Variants in CDH12 observed in about 807,000 individuals in gnomAD.
CDH12 encodes the protein cadherin-12.
Under a neutral mutation model 74.1 loss-of-function variants are expected in CDH12, and 41 were observed. The ratio of observed to expected loss-of-function variants is 0.55; its 90% CI spans 0.43 to 0.72. The LOEUF is 0.72. Among genes scored for constraint, CDH12 ranks in the 30% least tolerant of loss-of-function variants. The probability of loss-of-function intolerance (pLI) is 0.00; values close to 1 mark genes in which losing one functional copy is unlikely to be tolerated. For missense variants in CDH12, 945 were observed against 977.2 expected, an observed-to-expected ratio of 0.97 and a Z score of 0.44; for synonymous variants, 399 against 355.0, an observed-to-expected ratio of 1.12 and a Z score of -1.39.
At chr5:21,835,282 T>C (rs1749465724) in intron 8 of CDH12, among the ~76,000 whole-genome samples, 1 of 151,788 alleles carries the variant, frequency 6.6e-6, no homozygotes, top group South Asian at 2.1e-4. Flanking sequence ...CCTATATATA[T>C]ACACACACAC....
intron 4 of CDH12, among the ~76,000 whole-genome samples, chr5:22,180,638 G>A (rs556736469): frequency 6.6e-6 from 1 of 151,922 alleles, no homozygotes; most frequent in East Asian, 1.9e-4. Context: ...CTTAGCCTCC[G>A]AGTAGCTGGG....
intron 1 of CDH12, among the ~76,000 whole-genome samples, chr5:22,535,948 C>T (rs1001265769): frequency 6.6e-6 from 1 of 152,172 alleles, no homozygotes; most frequent in African/African-American, 2.4e-5. Flanking sequence ...ATTCCCTAAA[C>T]AATAGAGTAT....
chr5:21,826,201 A>C (rs2149959325), intron 8 of CDH12, among the ~76,000 whole-genome samples: 1 of 152,226 alleles, frequency 6.6e-6, no homozygotes, highest in East Asian at 1.9e-4. Flanking sequence ...TTTTCCTACT[A>C]TACTTGGCAA....
intron 5 of CDH12, among the ~76,000 whole-genome samples, chr5:22,007,245 A>G (rs1737019281): frequency 6.6e-6 from 1 of 152,192 alleles, no homozygotes; most frequent in Non-Finnish European, 1.5e-5. Flanking sequence ...CAAGCTCAAG[A>G]GATCTGTTAT....
At chr5:22,740,616 A>T (rs1251892042) in intron 1 of CDH12, among the ~76,000 whole-genome samples, 1 of 152,088 alleles carries the variant, frequency 6.6e-6, no homozygotes, top group African/African-American at 2.4e-5. Context: ...TATTTTTAGG[A>T]CTGATATATT....
intron 6 of CDH12, among the ~76,000 whole-genome samples, chr5:21,868,036 A>T (rs1371770765): frequency 6.6e-6 from 1 of 152,072 alleles, no homozygotes; most frequent in Non-Finnish European, 1.5e-5. Context: ...TTATAAGGGG[A>T]AACCCCTTTC....
intron 11 of CDH12, among the ~76,000 whole-genome samples, chr5:21,778,942 A>G (rs984708217): frequency 3.3e-5 from 5 of 152,196 alleles, no homozygotes; most frequent in African/African-American, 1.2e-4. Flanking sequence ...TATAGAAGAT[A>G]ACCTTAAAAA....
intron 5 of CDH12, among the ~76,000 whole-genome samples, chr5:22,026,959 G>A (rs1738403133): frequency 6.6e-6 from 1 of 152,070 alleles, no homozygotes; most frequent in Non-Finnish European, 1.5e-5. Context: ...GTTTGTCATA[G>A]ATAGCTCTTA....
At chr5:22,762,262 C>T (rs916802739) in intron 1 of CDH12, among the ~76,000 whole-genome samples, 12 of 151,862 alleles carry the variant, frequency 7.9e-5, no homozygotes, top group Non-Finnish European at 1.6e-4. Flanking sequence ...GCATGAGTCC[C>T]ATGGAGAAGA....
intron 5 of CDH12, among the ~76,000 whole-genome samples, chr5:21,986,716 C>T (rs868184659): frequency 1.1e-4 from 17 of 151,864 alleles, no homozygotes; most frequent in East Asian, 3.9e-4. Flanking sequence ...TAAATGTATA[C>T]GATTTAGTCT....
chr5:22,363,164 T>G (rs1181003946), intron 3 of CDH12, among the ~76,000 whole-genome samples: 2 of 152,054 alleles, frequency 1.3e-5, no homozygotes, highest in Non-Finnish European at 2.9e-5. Context: ...ATTTGGAGAT[T>G]GTAAAAAGAA....
intron 4 of CDH12, among the ~76,000 whole-genome samples, chr5:22,153,002 TC>T (rs996118133): frequency 1.3e-5 from 2 of 152,106 alleles, no homozygotes; most frequent in African/African-American, 4.8e-5. Context: ...TATTTACCCA[TC>T]CACTTCTTGA....
chr5:22,272,859 T>C (rs1736462754), intron 3 of CDH12, among the ~76,000 whole-genome samples: 1 of 152,170 alleles, frequency 6.6e-6, no homozygotes, highest in Admixed American at 6.6e-5. Context: ...AGGAAAGAAG[T>C]TTAATTGACT....
intron 1 of CDH12, among the ~76,000 whole-genome samples, chr5:22,562,382 A>T (rs951612128): frequency 1.4e-4 from 22 of 152,178 alleles, no homozygotes; most frequent in African/African-American, 4.8e-4. Context: ...GGAAAAACAA[A>T]ACTGCTAGGA....
intron 2 of CDH12, among the ~76,000 whole-genome samples, chr5:22,494,045 A>G (rs976317112): frequency 6.6e-6 from 1 of 152,122 alleles, no homozygotes; most frequent in Non-Finnish European, 1.5e-5. Flanking sequence ...AACCCCCACA[A>G]ATTGGGAGGG....
At chr5:22,841,291 G>A (rs1179254400) in intron 1 of CDH12, among the ~76,000 whole-genome samples, 1 of 152,150 alleles carries the variant, frequency 6.6e-6, no homozygotes, top group African/African-American at 2.4e-5. Context: ...CAATGTGAGT[G>A]AAATAGAGGA....
At chr5:22,108,941 C>T (rs1220116354) in intron 4 of CDH12, among the ~76,000 whole-genome samples, 1 of 152,058 alleles carries the variant, frequency 6.6e-6, no homozygotes, top group Non-Finnish European at 1.5e-5. Flanking sequence ...AGATTTGATA[C>T]AACTATTTTT....
At chr5:22,700,096 G>A (rs1429384532) in intron 1 of CDH12, among the ~76,000 whole-genome samples, 1 of 151,978 alleles carries the variant, frequency 6.6e-6, no homozygotes, top group Admixed American at 6.5e-5. Context: ...GAACCCAGGA[G>A]GCAGAGGTTG....
rs558149211 is a variant in CDH12, at chr5:22,004,121, C to T, written c.232-28736G>A. ...CAGTGAATGAGAATACAAATGTACGCATTAAACCTCAGTCCATTTCTCTTC... is the reference window on the plus strand; with the variant it reads ...CAGTGAATGAGAATACAAATGTACGTATTAAACCTCAGTCCATTTCTCTTC... On this transcript the variant is annotated intron_variant, in intron 5 of 14. Transcript: ENST00000382254. Among the ~76,000 whole-genome samples, 182 of 152,254 alleles carry T rather than the reference C, an allele frequency of 1.2e-3. 1 individual carries two copies. Among genetic ancestry groups the T allele is most frequent in the African/African-American group, 4.1e-3 (170 of 41,554 alleles).
Sources: allele counts gnomAD v4.1 joint callset (sites outside exome capture counted in the v4.1 genomes callset), GRCh38; gene constraint gnomAD v4.1.1; transcripts MANE v1.5; gene names NCBI Gene and HGNC (gene_info 2026-07-23, HGNC 2026-07-21).